CDIN1: variants seen among roughly 807,000 people sequenced by gnomAD.
CDIN1 encodes CDAN1-interacting nuclease 1.
A neutral mutation model predicts 45.3 loss-of-function variants in CDIN1; 33 were observed. The ratio of observed to expected loss-of-function variants is 0.73; its 90% CI spans 0.55 to 0.97. The LOEUF (loss-of-function observed/expected upper bound fraction) is 0.97. CDIN1 is among the 50% of genes least tolerant of loss of function. The probability of loss-of-function intolerance (pLI) is 0.00; values close to 1 mark genes in which losing one functional copy is unlikely to be tolerated. For synonymous variants in CDIN1, 118 were observed against 124.4 expected (o/e 0.95, Z 0.34); for missense variants, 303 against 339.4 (o/e 0.89, Z 0.84).
At chr15:36,744,621 A>T (rs1277439482) in intron 10 of CDIN1, among the ~76,000 whole-genome samples, 1 of 152,124 alleles carries the variant, frequency 6.6e-6, no homozygotes, top group Non-Finnish European at 1.5e-5. Context: ...ATTTTTTTTC[A>T]AATCATGATA....
At chr15:36,769,417 A>G (rs1339910493) in intron 10 of CDIN1, among the ~76,000 whole-genome samples, 2 of 152,204 alleles carry the variant, frequency 1.3e-5, no homozygotes, top group Non-Finnish European at 2.9e-5. Flanking sequence ...GTCCTGAGGC[A>G]GAATTCCTTC....
At chr15:36,639,331 C>T (rs891685221) in intron 1 of CDIN1, among the ~76,000 whole-genome samples, 26 of 151,602 alleles carry the variant, frequency 1.7e-4, no homozygotes, top group Admixed American at 4.6e-4. Context: ...CCAGGCCCAG[C>T]GTGGTGGCTC....
chr15:36,634,178 C>T (rs955141928), intron 1 of CDIN1, among the ~76,000 whole-genome samples: 4 of 152,108 alleles, frequency 2.6e-5, no homozygotes, highest in Admixed American at 6.5e-5. Context: ...CGCCTGTAAT[C>T]GCAGCACTTT....
chr15:36,800,909 G>GTGTATATATATATATATATA (rs1156514805), intron 10 of CDIN1, among the ~76,000 whole-genome samples: 4 of 22,388 alleles, frequency 1.8e-4, no homozygotes, highest in Non-Finnish European at 3.5e-4. Flanking sequence ...GTGTGTGTGT[G>GTGTATATATATATATATATA]TATATATATA....
At chr15:36,679,384 A>G (rs2041770138) in intron 5 of CDIN1, among the ~76,000 whole-genome samples, 1 of 152,160 alleles carries the variant, frequency 6.6e-6, no homozygotes, top group Non-Finnish European at 1.5e-5. Flanking sequence ...TTTCATCTTC[A>G]CAACAGCCCT....
intron 10 of CDIN1, among the ~76,000 whole-genome samples, chr15:36,728,535 T>C (rs1020261009): frequency 6.6e-5 from 10 of 150,496 alleles, no homozygotes; most frequent in Admixed American, 2.0e-4. Context: ...TAAATATCTT[T>C]GCTTGTTTTT....
At chr15:36,691,624 C>G in intron 5 of CDIN1, 61 bp from the exon 6 acceptor site, 2 of 1,067,302 alleles carry the variant, frequency 1.9e-6, no homozygotes, top group Admixed American at 2.0e-5. Flanking sequence ...TATGTCACTC[C>G]TCATGTTGCA....
intron 8 of CDIN1, among the ~76,000 whole-genome samples, chr15:36,703,260 ATATATATCTGATAGATC>A (rs2042716459): frequency 1.1e-5 from 1 of 93,594 alleles, no homozygotes; most frequent in African/African-American, 3.8e-5. Context: ...AGAAAGGGAT[ATATATATCTGATAGATC>A]TATCAGATAT....
intron 1 of CDIN1, among the ~76,000 whole-genome samples, chr15:36,599,068 G>T (rs1339557860): frequency 6.8e-6 from 1 of 147,312 alleles, no homozygotes; most frequent in East Asian, 2.0e-4. Context: ...TTATTTTTAT[G>T]ATCTCTTTTG....
chr15:36,691,310 A>C (rs1272022718), intron 5 of CDIN1: 1 of 360,870 alleles, frequency 2.8e-6, no homozygotes, highest in Admixed American at 4.0e-5. Flanking sequence ...TCTTCATTAA[A>C]CTCTTCATAT....
At chr15:36,718,811 G>C (rs1489588441) in intron 10 of CDIN1, among the ~76,000 whole-genome samples, 3 of 80,688 alleles carry the variant, frequency 3.7e-5, no homozygotes, top group Non-Finnish European at 4.6e-5. Flanking sequence ...CAATTTGTAT[G>C]CTTTTTTTTT....
chr15:36,793,917 G>T (rs12592405), intron 10 of CDIN1, among the ~76,000 whole-genome samples: 1 of 151,566 alleles, frequency 6.6e-6, no homozygotes, highest in Non-Finnish European at 1.5e-5. Flanking sequence ...CATCTGTTTC[G>T]CTAGTTATCT....
At chr15:36,585,177 T>A (rs771346105) in intron 1 of CDIN1, among the ~76,000 whole-genome samples, 21 of 152,228 alleles carry the variant, frequency 1.4e-4, no homozygotes, top group Non-Finnish European at 2.5e-4. Flanking sequence ...TGCAGAAAAG[T>A]TGCAGAAATA....
intron 3 of CDIN1, among the ~76,000 whole-genome samples, chr15:36,650,305 A>G (rs1404664250): frequency 6.6e-6 from 1 of 152,252 alleles, no homozygotes. Flanking sequence ...GTGAAAGAAT[A>G]GAGATATTTT....
intron 3 of CDIN1, 65 bp downstream of exon 3, chr15:36,645,352 TAA>T: frequency 2.4e-6 from 3 of 1,272,316 alleles, no homozygotes; most frequent in Non-Finnish European, 3.3e-6. Context: ...TAATTATGAA[TAA>T]GTTAGGTTAT....
rs1185806229 is a variant in CDIN1, at chr15:36,689,378, G to A, written c.347-2307G>A. Among the ~76,000 whole-genome samples the A allele has an allele frequency of 1.5e-4, 23 of 152,016 alleles. No individual in the cohort carries two copies. In the East Asian group the frequency reaches 3.1e-3, roughly 20 times the overall value. On this transcript the variant is annotated intron_variant, in intron 5 of 10. Transcript: ENST00000566621. ...TGATATGAGATCTGTAATTTTTATAGGATAGCGTTCTTAGTCATGGCCACT... is the reference window on the plus strand; with the variant it reads ...TGATATGAGATCTGTAATTTTTATAAGATAGCGTTCTTAGTCATGGCCACT...
intron 1 of CDIN1, chr15:36,641,709 G>C (rs2040115352): frequency 6.6e-6 from 1 of 151,714 alleles, no homozygotes; most frequent in Non-Finnish European, 1.5e-5. Context: ...ACTTGACAGT[G>C]TTCTGATTTT....
chr15:36,667,309 G>A (rs1156896550), intron 5 of CDIN1, among the ~76,000 whole-genome samples: 1 of 152,128 alleles, frequency 6.6e-6, no homozygotes, highest in African/African-American at 2.4e-5. Context: ...ATGTCACATA[G>A]CACTATATGT....
At chr15:36,614,324 C>A (rs138643537) in intron 1 of CDIN1, 1 of 558,924 alleles carries the variant, frequency 1.8e-6, no homozygotes. Context: ...TTTCTCCTTT[C>A]GCCACCCCCT....
Sources: gnomAD v4.1 joint callset for allele counts (sites outside exome capture counted in the v4.1 genomes callset) on GRCh38, gnomAD v4.1.1 for gene constraint, MANE v1.5 for transcripts, NCBI Gene and HGNC (gene_info 2026-07-23, HGNC 2026-07-21) for gene names.